HS3ST2: variants seen among roughly 807,000 people sequenced by gnomAD.
HS3ST2 encodes heparan sulfate-glucosamine 3-sulfotransferase 2.
Under a neutral mutation model 26.3 loss-of-function variants are expected in HS3ST2, and 17 were observed. The ratio of observed to expected loss-of-function variants is 0.65; its 90% CI spans 0.44 to 0.97. The LOEUF (loss-of-function observed/expected upper bound fraction) is 0.97. Among genes scored for constraint, HS3ST2 ranks in the 50% least tolerant of loss-of-function variants. The pLI is 0.00. For synonymous variants in HS3ST2, 237 were observed against 219.2 expected, an observed-to-expected ratio of 1.08 and a Z score of -0.72; for missense variants, 402 against 501.2, an observed-to-expected ratio of 0.80 and a Z score of 1.89.
At position 22,915,668 on chromosome 16, in the gene HS3ST2, C is replaced by CG. The variant is rs1018410302; in HGVS notation, c.*106_*107insG. The CG allele has an allele frequency of 3.2e-6, 4 of 1,265,310 alleles. No individual in the cohort carries two copies. In the African/African-American group the frequency reaches 6.0e-5, roughly 19 times the overall value. The allele number at this position is 1,265,310 out of a possible 1,614,324, so 78.4% of individuals were successfully genotyped here. On this transcript the variant is annotated 3_prime_UTR_variant, in exon 2 of 2. Transcript: ENST00000261374. Reference sequence around the variant, plus strand: ...TCCAACAAACCCTGGCTCCAGCCCCCTTTCCCAACTTGAGTTGCATCATCT... The same window carrying CG: ...TCCAACAAACCCTGGCTCCAGCCCCCGTTTCCCAACTTGAGTTGCATCATCT...
intron 1 of HS3ST2, among the ~76,000 whole-genome samples, chr16:22,859,170 CAAAT>C (rs1901642652): frequency 6.6e-6 from 1 of 152,106 alleles, no homozygotes; most frequent in African/African-American, 2.4e-5. Flanking sequence ...TGCCTCCAAA[CAAAT>C]AAACAAACGA....
intron 1 of HS3ST2, among the ~76,000 whole-genome samples, chr16:22,912,905 A>G (rs888075897): frequency 1.3e-5 from 2 of 151,872 alleles, no homozygotes; most frequent in Non-Finnish European, 2.9e-5. Context: ...CTAGTCCTCA[A>G]TTTGGTCCTG....
intron 1 of HS3ST2, among the ~76,000 whole-genome samples, chr16:22,893,691 C>A (rs943588300): frequency 4.2e-5 from 6 of 144,346 alleles, no homozygotes; most frequent in Non-Finnish European, 9.0e-5. Context: ...TCAAAGCCAT[C>A]ATTCTTAGCA....
intron 1 of HS3ST2, among the ~76,000 whole-genome samples, chr16:22,869,445 T>C (rs957041985): frequency 6.6e-6 from 1 of 152,190 alleles, no homozygotes; most frequent in African/African-American, 2.4e-5. Flanking sequence ...TGTTAGTCTG[T>C]TTTAATGCTG....
At chr16:22,896,780 G>A (rs1902216967) in intron 1 of HS3ST2, among the ~76,000 whole-genome samples, 1 of 151,654 alleles carries the variant, frequency 6.6e-6, no homozygotes, top group Non-Finnish European at 1.5e-5. Flanking sequence ...TCTTTCTTTT[G>A]TTTTCTTTCT....
chr16:22,901,462 C>T (rs1180002045), intron 1 of HS3ST2, among the ~76,000 whole-genome samples: 1 of 152,150 alleles, frequency 6.6e-6, no homozygotes, highest in Admixed American at 6.5e-5. Flanking sequence ...AACAAGACCC[C>T]TACACGAGAT....
Position 22,915,637 on chromosome 16 carries a change from T to C in HS3ST2, c.*75T>C. The stretch of plus-strand genomic sequence containing the variant: ...TGAGATTTGCTCCCAGACCCTCTGA[T>C]CTCCCTCCAACAAACCCTGGCTCCA... On this transcript the variant is annotated 3_prime_UTR_variant, in exon 2 of 2. Transcript: ENST00000261374. 6.8e-7 allele frequency: 1 copy of C among 1,478,614 alleles called. No individual in the cohort carries two copies. Among genetic ancestry groups the C allele is most frequent in the Non-Finnish European group, 9.1e-7 (1 of 1,094,310 alleles). 91.6% of individuals were successfully genotyped at this position (1,478,614 alleles called of 1,614,324 possible).
chr16:22,838,573 G>A (rs1174892979), intron 1 of HS3ST2, among the ~76,000 whole-genome samples: 1 of 152,176 alleles, frequency 6.6e-6, no homozygotes, highest in Non-Finnish European at 1.5e-5. Flanking sequence ...GGAGAAAATT[G>A]TTATGAAAAG....
chr16:22,915,369 A>G lies in HS3ST2; in HGVS notation c.911A>G (p.Tyr304Cys), dbSNP rs1481635113. The change falls in exon 2 of 2, where the codon TAT becomes TGT. Residue 304 changes from tyrosine to cysteine, a missense_variant. Transcript: ENST00000261374. ...IKRFITDKHF[Y>C]FNKTKGFPCL... is the part of the protein sequence containing the mutation. ...AGATTCATCACGGACAAGCACTTCT[A>G]TTTCAACAAGACCAAAGGATTCCCT... 6.2e-7 allele frequency: 1 copy of G among 1,613,974 alleles called. No homozygotes were observed. Among genetic ancestry groups the G allele is most frequent in the Non-Finnish European group, 8.5e-7 (1 of 1,179,984 alleles).
chr16:22,851,341 G>C (rs1901515480), intron 1 of HS3ST2, among the ~76,000 whole-genome samples: 3 of 152,336 alleles, frequency 2.0e-5, no homozygotes, highest in Admixed American at 2.0e-4. Context: ...CATCAACTCT[G>C]TTGGGTAGAA....
intron 1 of HS3ST2, among the ~76,000 whole-genome samples, chr16:22,816,713 A>AGT (rs1900875764): frequency 6.6e-6 from 1 of 152,238 alleles, no homozygotes; most frequent in Admixed American, 6.5e-5. Flanking sequence ...ACACTGTCTG[A>AGT]GTCAGATCCC....
At chr16:22,832,708 A>G (rs778169172) in intron 1 of HS3ST2, among the ~76,000 whole-genome samples, 5 of 151,666 alleles carry the variant, frequency 3.3e-5, no homozygotes, top group South Asian at 2.1e-4. Context: ...AAAAGATCCA[A>G]CTGAAGGTCC....
In HS3ST2 at chr16:22,815,076, C is replaced by G; in HGVS notation, c.466C>G (p.Arg156Gly). The change falls in exon 1 of 2, where the codon CGC becomes GGC. Residue 156 changes from arginine (R) to glycine (G), a missense_variant. Around this residue, in one of 2 missense-constraint regions of HS3ST2, gnomAD observed 237 missense variants for 346.6 expected, o/e 0.68. Coordinates refer to ENST00000261374, the MANE Select transcript of HS3ST2 (RefSeq NM_006043.2). ...CCACTTCTTTGACAGGAACTACGGC[C>G]GCGGGCTGGATTGGTACAGGTAAGG... ...EPHFFDRNYG[R>G]GLDWYRSLMP... 6.2e-7 allele frequency: 1 copy of G among 1,613,092 alleles called. No homozygotes were observed. The highest frequency in any genetic ancestry group is 1.7e-4 in the Middle Eastern group (1 of 6,060).
chr16:22,910,350 G>T (rs549198637), intron 1 of HS3ST2, among the ~76,000 whole-genome samples: 1 of 152,280 alleles, frequency 6.6e-6, no homozygotes, highest in African/African-American at 2.4e-5. Context: ...TATTGCAACA[G>T]CCCCTGTAGA....
intron 1 of HS3ST2, among the ~76,000 whole-genome samples, chr16:22,839,752 A>C (rs1052967255): frequency 1.3e-5 from 2 of 152,104 alleles, no homozygotes; most frequent in African/African-American, 4.8e-5. Flanking sequence ...TTTTGCTCAT[A>C]AATTTCTCCA....
chr16:22,833,725 T>G (rs900320234), intron 1 of HS3ST2, among the ~76,000 whole-genome samples: 1 of 152,192 alleles, frequency 6.6e-6, no homozygotes, highest in African/African-American at 2.4e-5. Context: ...CACTACATAT[T>G]GAGGTGTGTG....
At chr16:22,820,860 G>T (rs1216452703) in intron 1 of HS3ST2, among the ~76,000 whole-genome samples, 1 of 152,214 alleles carries the variant, frequency 6.6e-6, no homozygotes, top group Non-Finnish European at 1.5e-5. Context: ...ACCACTGAAA[G>T]GTTCTAAGAA....
At chr16:22,820,659 C>T (rs1271480121) in intron 1 of HS3ST2, among the ~76,000 whole-genome samples, 1 of 152,248 alleles carries the variant, frequency 6.6e-6, no homozygotes, top group Non-Finnish European at 1.5e-5. Context: ...ATTCAATTAT[C>T]TCCCACCTGG....
intron 1 of HS3ST2, among the ~76,000 whole-genome samples, chr16:22,853,337 A>G (rs1901544570): frequency 6.6e-6 from 1 of 152,236 alleles, no homozygotes; most frequent in Non-Finnish European, 1.5e-5. Context: ...TCTTTTGGTC[A>G]ACCTAAAGTT....
Sources: allele counts gnomAD v4.1 joint callset (sites outside exome capture counted in the v4.1 genomes callset), GRCh38; gene constraint gnomAD v4.1.1; regional missense constraint gnomAD v4.1.1; transcripts MANE v1.5; gene names NCBI Gene and HGNC (gene_info 2026-07-23, HGNC 2026-07-21).